The following DNM3 variants were observed in gnomAD, a reference collection of about 807,000 sequenced individuals.
DNM3 encodes dynamin 3, also known as dynamin-3.
Under a neutral mutation model 101.6 loss-of-function variants are expected in DNM3, and 47 were observed. The ratio of observed to expected loss-of-function variants is 0.46; its 90% confidence interval spans 0.37 to 0.59. The LOEUF is 0.59. DNM3 is among the 20% of genes least tolerant of loss of function. The pLI is 0.00. For synonymous variants in DNM3, 385 were observed against 387.9 expected (o/e 0.99, Z 0.09); for missense variants, 849 against 1,085.7 (o/e 0.78, Z 3.06).
chr1:172,328,530 A>AACCAAAT (rs1430859746), intron 17 of DNM3, among the ~76,000 whole-genome samples: 4 of 152,188 alleles, frequency 2.6e-5, no homozygotes, highest in Admixed American at 1.3e-4. Context: ...AGTAACAGAA[A>AACCAAAT]ACCAAATACC....
At chr1:172,100,161 A>G (rs1463154557) in intron 13 of DNM3, among the ~76,000 whole-genome samples, 1 of 152,172 alleles carries the variant, frequency 6.6e-6, no homozygotes, top group African/African-American at 2.4e-5. Flanking sequence ...TGTGCCCACT[A>G]TTGTTCTAAC....
intron 2 of DNM3, among the ~76,000 whole-genome samples, chr1:171,980,626 T>C (rs1381370105): frequency 2.0e-5 from 3 of 152,150 alleles, no homozygotes; most frequent in Non-Finnish European, 4.4e-5. Flanking sequence ...CACTTCTCAG[T>C]CTCTAGTAAC....
At chr1:172,063,473 A>G (rs912546454) in intron 10 of DNM3, among the ~76,000 whole-genome samples, 2 of 152,060 alleles carry the variant, frequency 1.3e-5, no homozygotes, top group African/African-American at 4.8e-5. Context: ...CACTTACAAC[A>G]TTGGACCTTA....
intron 14 of DNM3, among the ~76,000 whole-genome samples, chr1:172,134,007 C>T (rs780737782): frequency 4.6e-5 from 7 of 152,078 alleles, no homozygotes; most frequent in Non-Finnish European, 1.0e-4. Context: ...AGAAAGATTG[C>T]CCTGGCTGCT....
intron 1 of DNM3, among the ~76,000 whole-genome samples, chr1:171,883,417 T>A (rs7516629): frequency 2.0e-5 from 1 of 48,840 alleles, no homozygotes; most frequent in Non-Finnish European, 4.6e-5. Context: ...ACACACACCC[T>A]GTCAGAATGA....
At chr1:172,292,633 G>A (rs558583869) in intron 15 of DNM3, among the ~76,000 whole-genome samples, 32 of 137,590 alleles carry the variant, frequency 2.3e-4, no homozygotes, top group African/African-American at 7.4e-4. Context: ...ACGCGCGTGC[G>A]TATATTCCTT....
At chr1:172,414,861 G>A (rs1197189958), downstream of DNM3, among the ~76,000 whole-genome samples, 1 of 148,580 alleles carries the variant, frequency 6.7e-6, no homozygotes, top group Non-Finnish European at 1.5e-5. Flanking sequence ...TTCAGCCCAA[G>A]AGTTTGAGAC....
At chr1:172,184,625 T>C (rs1356357373) in intron 14 of DNM3, among the ~76,000 whole-genome samples, 1 of 152,114 alleles carries the variant, frequency 6.6e-6, no homozygotes, top group Non-Finnish European at 1.5e-5. Context: ...AATGTTGCTC[T>C]CTTCATATTG....
intron 2 of DNM3, among the ~76,000 whole-genome samples, chr1:171,941,886 G>A (rs1478790802): frequency 2.0e-5 from 3 of 152,066 alleles, no homozygotes; most frequent in African/African-American, 7.2e-5. Flanking sequence ...GTGGTTAAAG[G>A]AAAACACTCA....
intron 14 of DNM3, among the ~76,000 whole-genome samples, chr1:172,244,787 G>A (rs1453532067): frequency 6.6e-6 from 1 of 152,174 alleles, no homozygotes; most frequent in Admixed American, 6.5e-5. Context: ...CATTGTGGAA[G>A]TCAGTGTGGC....
intron 15 of DNM3, among the ~76,000 whole-genome samples, chr1:172,290,929 G>A (rs1400460089): frequency 6.6e-6 from 1 of 152,178 alleles, no homozygotes; most frequent in Non-Finnish European, 1.5e-5. Flanking sequence ...GTGGGAGTCA[G>A]GCGGGTGTGA....
intron 15 of DNM3, among the ~76,000 whole-genome samples, chr1:172,301,043 G>A (rs1250544817): frequency 6.6e-6 from 1 of 152,198 alleles, no homozygotes; most frequent in African/African-American, 2.4e-5. Context: ...AAACACATGG[G>A]CCTTCTGAGT....
chr1:172,181,690 CAAA>C (rs1033495226), intron 14 of DNM3, among the ~76,000 whole-genome samples: 4 of 151,304 alleles, frequency 2.6e-5, no homozygotes, highest in Non-Finnish European at 5.9e-5. Context: ...AAGCATGGAG[CAAA>C]ATGAAAACAA....
At chr1:172,115,328 C>T (rs1304694668) in intron 13 of DNM3, among the ~76,000 whole-genome samples, 1 of 152,128 alleles carries the variant, frequency 6.6e-6, no homozygotes, top group Non-Finnish European at 1.5e-5. Context: ...CCATTACCAC[C>T]ACCCTGCTCA....
chr1:172,162,724 T>G (rs2058588456), intron 14 of DNM3, among the ~76,000 whole-genome samples: 1 of 152,164 alleles, frequency 6.6e-6, no homozygotes, highest in South Asian at 2.1e-4. Flanking sequence ...TCTTAAAAAT[T>G]TTTCTTTTGA....
chr1:171,939,162 C>A (rs1348872564), intron 2 of DNM3, among the ~76,000 whole-genome samples: 1 of 152,060 alleles, frequency 6.6e-6, no homozygotes, highest in East Asian at 1.9e-4. Context: ...ATATTGAGAT[C>A]AATTTTTGCT....
In DNM3 at chr1:172,411,239, A is replaced by G; in HGVS notation, c.*3398A>G. The G allele has an allele frequency of 1.0e-6, 1 of 985,216 alleles. No individual in the cohort carries two copies. The highest frequency in any genetic ancestry group is 1.2e-6 in the Non-Finnish European group (1 of 829,758). 61.0% of individuals were successfully genotyped at this position (985,216 alleles called of 1,614,324 possible). A position where few individuals can be genotyped will look rare whatever the true frequency, so the allele number is the denominator to read the frequency against. On this transcript the variant is annotated 3_prime_UTR_variant, in exon 21 of 21. Transcript: ENST00000627582. The stretch of plus-strand genomic sequence containing the variant: ...ATGTGGTAACAATAGTTCATTTCTC[A>G]TAACATATATGAGGTATACAAAATT...
chr1:172,306,678 A>G (rs1263276275), intron 15 of DNM3, among the ~76,000 whole-genome samples: 1 of 152,224 alleles, frequency 6.6e-6, no homozygotes, highest in East Asian at 1.9e-4. Context: ...GTACCAAAAC[A>G]GAGATATAGA....
intron 20 of DNM3, among the ~76,000 whole-genome samples, chr1:172,389,972 A>G (rs1444741960): frequency 2.0e-5 from 3 of 152,176 alleles, no homozygotes; most frequent in Non-Finnish European, 2.9e-5. Flanking sequence ...GGAGTTCTTT[A>G]TCTATGAAAC....
Sources: gnomAD v4.1 joint callset for allele counts (sites outside exome capture counted in the v4.1 genomes callset) on GRCh38, gnomAD v4.1.1 for gene constraint, MANE v1.5 for transcripts, NCBI Gene and HGNC (gene_info 2026-07-23, HGNC 2026-07-21) for gene names.